The following NEXMIF variants were observed in gnomAD, a reference collection of about 807,000 sequenced individuals.
The protein encoded by NEXMIF is neurite extension and migration factor, also known as XLMR protein related to neurite extension.
Under a neutral mutation model 62.1 loss-of-function variants are expected in NEXMIF, and 8 were observed. The ratio of observed to expected loss-of-function variants is 0.13; its 90% CI spans 0.08 to 0.23. NEXMIF has a LOEUF of 0.23. Ranked by LOEUF, NEXMIF falls within the 10% of genes least tolerant of loss-of-function variation. The pLI is 1.00. For synonymous variants in NEXMIF, 404 were observed against 416.6 expected, an observed-to-expected ratio of 0.97 and a Z score of 0.37; for missense variants, 976 against 1,113.3, an observed-to-expected ratio of 0.88 and a Z score of 1.75.
intron 1 of NEXMIF, among the ~76,000 whole-genome samples, chrX:74,764,549 G>C (rs2080188832): frequency 1.8e-5 from 2 of 111,881 alleles, no homozygotes; most frequent in African/African-American, 6.5e-5. Flanking sequence ...AATGGTACCA[G>C]CTCCTCCTTG....
intron 1 of NEXMIF, among the ~76,000 whole-genome samples, chrX:74,901,121 A>G (rs1431868551): frequency 1.8e-5 from 2 of 112,041 alleles, no homozygotes; most frequent in African/African-American, 6.5e-5. Context: ...TTAATTCCAC[A>G]CAACTGTACA....
Position 74,734,018 on chromosome X carries a change from G to T in NEXMIF, c.*5387C>A, listed in dbSNP as rs2080079249. ...CACACTTAAAAATATACAAGATTTT[G>T]TAGACGTCTTAAGAGTGATCCTTAA... On this transcript the variant is annotated 3_prime_UTR_variant, in exon 4 of 4. Transcript: ENST00000055682. The T allele has an allele frequency of 8.9e-6, 1 of 111,764 alleles. No homozygotes were observed. Among genetic ancestry groups the T allele is most frequent in the Admixed American group, 9.6e-5 (1 of 10,417 alleles). 9.2% of individuals were successfully genotyped at this position (111,764 alleles called of 1,213,427 possible). A position where few individuals can be genotyped will look rare whatever the true frequency, so the allele number is the denominator to read the frequency against.
At chrX:74,746,804 G>A (rs1301945629) in intron 1 of NEXMIF, among the ~76,000 whole-genome samples, 1 of 112,531 alleles carries the variant, frequency 8.9e-6, no homozygotes, top group Admixed American at 9.4e-5. Flanking sequence ...ATGACTCTGG[G>A]TTTCCCCTAA....
chrX:74,880,532 C>A (rs1450496103), intron 1 of NEXMIF, among the ~76,000 whole-genome samples: 2 of 111,632 alleles, frequency 1.8e-5, no homozygotes, highest in African/African-American at 6.5e-5. Context: ...AGAGGCTTTA[C>A]AAGGGTTCAC....
chrX:74,823,290 A>G (rs935994947), intron 1 of NEXMIF, among the ~76,000 whole-genome samples: 2 of 111,939 alleles, frequency 1.8e-5, no homozygotes, highest in Admixed American at 9.5e-5. Flanking sequence ...CAGTCCTGAA[A>G]ATATACTAAA....
intron 1 of NEXMIF, among the ~76,000 whole-genome samples, chrX:74,826,228 G>A (rs2676498): frequency 0.078 from 8,754 of 111,587 alleles, 842 homozygotes; most frequent in African/African-American, 0.27. Context: ...GCATGAAATG[G>A]CATCTCATTG....
At chrX:74,785,391 G>A (rs755936618) in intron 1 of NEXMIF, among the ~76,000 whole-genome samples, 5 of 110,459 alleles carry the variant, frequency 4.5e-5, no homozygotes, top group African/African-American at 1.6e-4. Flanking sequence ...GTGGTTAAGG[G>A]GTAGATAAAA....
chrX:74,883,764 G>A (rs2080676967), intron 1 of NEXMIF, among the ~76,000 whole-genome samples: 1 of 111,612 alleles, frequency 9.0e-6, no homozygotes, highest in South Asian at 3.8e-4. Context: ...TAGCAAAGCA[G>A]GCCAACATTC....
chrX:74,796,153 A>ATT (rs1491449324), intron 1 of NEXMIF, among the ~76,000 whole-genome samples: 50 of 68,920 alleles, frequency 7.3e-4, no homozygotes, highest in African/African-American at 1.1e-3. Context: ...TTATATATAT[A>ATT]CATATATATT....
In NEXMIF at chrX:74,825,956, T is replaced by C. The variant is rs767033034; in HGVS notation, c.-47-80259A>G. ...TAGGTGGATCCCATGTCTTTGCTAT[T>C]GTGAACATGCTGCAATGAACATAGG... On this transcript the variant is annotated intron_variant, in intron 1 of 3. Coordinates refer to ENST00000055682, the MANE Select transcript of NEXMIF (RefSeq NM_001008537.3). 3.5e-5 allele frequency among the ~76,000 whole-genome samples: 4 copies of C among 112,816 alleles called. No homozygotes were observed. The Admixed American group carries it at 3.7e-4, about 11-fold the overall frequency.
intron 1 of NEXMIF, among the ~76,000 whole-genome samples, chrX:74,789,274 T>G (rs1424889331): frequency 9.4e-6 from 1 of 106,443 alleles, no homozygotes; most frequent in East Asian, 3.0e-4. Flanking sequence ...GTTTTCCAAT[T>G]TCATCCATGT....
chrX:74,754,331 C>T (rs1352585339), intron 1 of NEXMIF, among the ~76,000 whole-genome samples: 16 of 94,508 alleles, frequency 1.7e-4, no homozygotes, highest in South Asian at 1.0e-3. Flanking sequence ...TTTTGTGAGA[C>T]GGAGTCTCAC....
Position 74,763,366 on chromosome X carries a change from A to G in NEXMIF, c.-47-17669T>C, listed in dbSNP as rs1462005540. ...CCAGTACCATGCTGTTTTGGTTACT[A>G]TAGCCTTGTAGTATAGTTTGAAGTC... On this transcript the variant is annotated intron_variant, in intron 1 of 3. Transcript: ENST00000055682. Among the ~76,000 whole-genome samples the G allele has an allele frequency of 1.3e-4, 14 of 111,587 alleles. 1 individual carries two copies. The highest frequency in any genetic ancestry group is 9.2e-3 in the Middle Eastern group (2 of 218).
chrX:74,789,892 T>G (rs2080273882), intron 1 of NEXMIF, among the ~76,000 whole-genome samples: 1 of 107,213 alleles, frequency 9.3e-6, no homozygotes, highest in Non-Finnish European at 1.9e-5. Flanking sequence ...GTCAGATGAG[T>G]AGGTTGCGAA....
intron 1 of NEXMIF, among the ~76,000 whole-genome samples, chrX:74,892,120 T>C (rs924191299): frequency 8.9e-6 from 1 of 112,532 alleles, no homozygotes; most frequent in African/African-American, 3.2e-5. Context: ...GCCTAATTAG[T>C]TCTGTAAGGT....
intron 1 of NEXMIF, among the ~76,000 whole-genome samples, chrX:74,786,911 A>T (rs1203900667): frequency 9.1e-6 from 1 of 110,429 alleles, no homozygotes; most frequent in Non-Finnish European, 1.9e-5. Context: ...CCATGCCCTA[A>T]ATTACATCAA....
rs1041487179 is a variant in NEXMIF, at chrX:74,815,199, T to C, written c.-47-69502A>G. Reference sequence around the variant, plus strand: ...AATGATGAATTTTTTATTTTATGTATCAAAGCTAATTGAAATAAATCCTTT... The same window carrying C: ...AATGATGAATTTTTTATTTTATGTACCAAAGCTAATTGAAATAAATCCTTT... On this transcript the variant is annotated intron_variant, in intron 1 of 3. Coordinates refer to ENST00000055682, the MANE Select transcript of NEXMIF (RefSeq NM_001008537.3). Among the ~76,000 whole-genome samples, 3 of 112,054 alleles carry C rather than the reference T, an allele frequency of 2.7e-5. No homozygotes were observed. In the Admixed American group the frequency reaches 2.9e-4, roughly 11 times the overall value.
At chrX:74,891,753 G>A (rs2080718541) in intron 1 of NEXMIF, among the ~76,000 whole-genome samples, 1 of 112,012 alleles carries the variant, frequency 8.9e-6, no homozygotes, top group South Asian at 3.7e-4. Context: ...TAGGCTTCTG[G>A]CCAAGGAGAA....
chrX:74,738,885 T>C lies in NEXMIF; in HGVS notation c.*520A>G, dbSNP rs1397780600. The C allele has an allele frequency of 1.8e-5, 2 of 109,543 alleles. No homozygotes were observed. The highest frequency in any genetic ancestry group is 5.7e-4 in the East Asian group (2 of 3,490). The allele number at this position is 109,543 out of a possible 1,213,427, so 9.0% of individuals were successfully genotyped here. Reference sequence around the variant, plus strand: ...ACACACACACACACACACAAACATATACATATATATGTTTGGGTGTGTATA... The same window carrying C: ...ACACACACACACACACACAAACATACACATATATATGTTTGGGTGTGTATA... On this transcript the variant is annotated 3_prime_UTR_variant, in exon 4 of 4. Transcript: ENST00000055682.
Sources: gnomAD v4.1 joint callset for allele counts (sites outside exome capture counted in the v4.1 genomes callset) on GRCh38, gnomAD v4.1.1 for gene constraint, MANE v1.5 for transcripts, NCBI Gene and HGNC (gene_info 2026-07-23, HGNC 2026-07-21) for gene names.